Variants in ITSN2 observed in about 807,000 individuals in gnomAD.
ITSN2 encodes intersectin-2.
ITSN2 carries 156 observed loss-of-function variants against 243.7 expected under a neutral mutation model. The ratio of observed to expected loss-of-function variants is 0.64; its 90% CI spans 0.56 to 0.73. ITSN2 has a LOEUF of 0.73. Ranked by LOEUF, ITSN2 falls within the 30% of genes least tolerant of loss-of-function variation. The pLI is 0.00. For synonymous variants in ITSN2, 703 were observed against 699.9 expected, an observed-to-expected ratio of 1.00 and a Z score of -0.07; for missense variants, 1,801 against 1,996.1, an observed-to-expected ratio of 0.90 and a Z score of 1.86.
intron 1 of ITSN2, among the ~76,000 whole-genome samples, chr2:24,352,816 G>A (rs1391120416): frequency 6.6e-6 from 1 of 152,136 alleles, no homozygotes; most frequent in Non-Finnish European, 1.5e-5. Flanking sequence ...CACAAAGGGG[G>A]ATAAAAATAC....
intron 2 of ITSN2, among the ~76,000 whole-genome samples, chr2:24,324,142 G>C (rs1684892834): frequency 6.6e-6 from 1 of 152,204 alleles, no homozygotes; most frequent in East Asian, 1.9e-4. Context: ...TGAGGCAGGA[G>C]AACGGCGTGA....
chr2:24,331,399 G>GT (rs1685766918), intron 1 of ITSN2, among the ~76,000 whole-genome samples: 1 of 150,702 alleles, frequency 6.6e-6, no homozygotes, highest in Non-Finnish European at 1.5e-5. Context: ...AAGCTATGTT[G>GT]TTAGCACACA....
chr2:24,344,739 G>T (rs1464299653), intron 1 of ITSN2, among the ~76,000 whole-genome samples: 1 of 152,168 alleles, frequency 6.6e-6, no homozygotes, highest in Non-Finnish European at 1.5e-5. Flanking sequence ...ATCACCTGAG[G>T]TCAGGAGTTC....
intron 32 of ITSN2, among the ~76,000 whole-genome samples, chr2:24,213,685 A>G (rs150948423): frequency 6.6e-6 from 1 of 152,346 alleles, no homozygotes; most frequent in African/African-American, 2.4e-5. Context: ...TACTGTTACA[A>G]TTGTGATGAC....
At chr2:24,247,149 T>C (rs974779466) in intron 27 of ITSN2, among the ~76,000 whole-genome samples, 4 of 152,172 alleles carry the variant, frequency 2.6e-5, no homozygotes, top group Non-Finnish European at 2.9e-5. Flanking sequence ...CTTTGGGTCA[T>C]GCAGTATCAG....
At chr2:24,256,093 G>C (rs1202487278) in intron 23 of ITSN2, among the ~76,000 whole-genome samples, 3 of 151,364 alleles carry the variant, frequency 2.0e-5, no homozygotes, top group Non-Finnish European at 3.0e-5. Context: ...GCATGGTGGT[G>C]GATGCCTGTA....
chr2:24,333,739 G>C (rs1213139927), intron 1 of ITSN2, among the ~76,000 whole-genome samples: 1 of 152,114 alleles, frequency 6.6e-6, no homozygotes, highest in Non-Finnish European at 1.5e-5. Context: ...ACGTACTTTA[G>C]ACAATGTAGA....
intron 18 of ITSN2, among the ~76,000 whole-genome samples, chr2:24,273,219 T>C (rs999858817): frequency 2.0e-5 from 3 of 152,226 alleles, no homozygotes; most frequent in African/African-American, 7.2e-5. Context: ...TACTGCTGGT[T>C]CACTAGCCCA....
intron 2 of ITSN2, among the ~76,000 whole-genome samples, chr2:24,319,506 A>ATC (rs1684304776): frequency 6.6e-6 from 1 of 152,162 alleles, no homozygotes; most frequent in Non-Finnish European, 1.5e-5. Flanking sequence ...CAGAAAATGT[A>ATC]TCTCCTGTCC....
intron 29 of ITSN2, among the ~76,000 whole-genome samples, chr2:24,226,090 G>GGACTGGACTGACA (rs1444591227): frequency 6.6e-6 from 1 of 152,104 alleles, no homozygotes; most frequent in Non-Finnish European, 1.5e-5. Context: ...GGCTCTGACT[G>GGACTGGACTGACA]CAGACCAGGG....
At chr2:24,342,132 C>T (rs1455073511) in intron 1 of ITSN2, among the ~76,000 whole-genome samples, 1 of 151,962 alleles carries the variant, frequency 6.6e-6, no homozygotes, top group Non-Finnish European at 1.5e-5. Context: ...CAAAGGCATA[C>T]ATAAGTTTAG....
chr2:24,242,806 A>C (rs76854107), intron 29 of ITSN2, among the ~76,000 whole-genome samples: 1 of 152,194 alleles, frequency 6.6e-6, no homozygotes, highest in Admixed American at 6.5e-5. Flanking sequence ...ATAGATGACA[A>C]GCCTTTAGCC....
At position 24,261,757 on chromosome 2, in the gene ITSN2, A is replaced by G. The variant is rs1309046124; in HGVS notation, c.2356-15T>C. On this transcript the variant is annotated splice_polypyrimidine_tract_variant and intron_variant, in intron 20 of 39. Transcript: ENST00000355123. The stretch of plus-strand genomic sequence containing the variant: ...TTTTCATCAACCTACGGAAATAAAA[A>G]GAAGGATTAACAGTGCTTAGAAATT... 4.4e-6 allele frequency: 7 copies of G among 1,596,288 alleles called. No individual in the cohort carries two copies. In the East Asian group the frequency reaches 1.6e-4, roughly 36 times the overall value.
rs142275409 is a variant in ITSN2, at chr2:24,247,103, G to A, written c.3289-210C>T. ...GTCAGAGTGTCTTAGTTTACCTGTG[G>A]GTACTGGGTCATGCCAAATCTAACA... On this transcript the variant is annotated intron_variant, in intron 27 of 39. Transcript: ENST00000355123. Among the ~76,000 whole-genome samples, 340 of 152,258 alleles carry A rather than the reference G, an allele frequency of 2.2e-3. 2 individuals are homozygous for A. The highest frequency in any genetic ancestry group is 8.1e-3 in the African/African-American group (337 of 41,536).
chr2:24,206,375 A>C (rs1289115955), intron 37 of ITSN2: 2 of 253,396 alleles, frequency 7.9e-6, no homozygotes, highest in African/African-American at 5.1e-5. Context: ...CCCGGCGGGA[A>C]GGAAGGTGGA....
At chr2:24,353,591 G>GACAAA (rs756317591) in intron 1 of ITSN2, among the ~76,000 whole-genome samples, 5 of 152,092 alleles carry the variant, frequency 3.3e-5, no homozygotes, top group Non-Finnish European at 5.9e-5. Flanking sequence ...CTGTCTCAAA[G>GACAAA]ACAAAACAAA....
intron 1 of ITSN2, among the ~76,000 whole-genome samples, chr2:24,345,590 C>G (rs1574389536): frequency 6.6e-6 from 1 of 152,132 alleles, no homozygotes; most frequent in Admixed American, 6.5e-5. Context: ...CATTAATACT[C>G]TCATTGTAAA....
chr2:24,356,139 T>C (rs1349459701), intron 1 of ITSN2, among the ~76,000 whole-genome samples: 2 of 151,430 alleles, frequency 1.3e-5, no homozygotes, highest in African/African-American at 4.9e-5. Flanking sequence ...GAGGCTGAGG[T>C]TGCAGTGAGC....
At chr2:24,272,039 A>G in intron 18 of ITSN2, 98 bp from the exon 19 acceptor site, 2 of 1,013,418 alleles carry the variant, frequency 2.0e-6, no homozygotes, top group African/African-American at 3.3e-5. Context: ...GTGAAGAACT[A>G]GCAATGAAGT....
Sources: gnomAD v4.1 joint callset for allele counts (sites outside exome capture counted in the v4.1 genomes callset) on GRCh38, gnomAD v4.1.1 for gene constraint, MANE v1.5 for transcripts, NCBI Gene and HGNC (gene_info 2026-07-23, HGNC 2026-07-21) for gene names.